MAP4: variants seen among roughly 807,000 people sequenced by gnomAD.
The protein encoded by MAP4 is microtubule-associated protein 4.
Under a neutral mutation model 170.2 loss-of-function variants are expected in MAP4, and 76 were observed. The observed-to-expected ratio is 0.45, with a 90% CI of 0.37 to 0.54. MAP4 has a LOEUF of 0.54. MAP4 is among the 20% of genes least tolerant of loss of function. MAP4 has a pLI of 0.00. For synonymous variants in MAP4, 909 were observed against 994.5 expected (o/e 0.91, Z 1.62); for missense variants, 2,506 against 2,748.0 (o/e 0.91, Z 1.97).
At chr3:47,994,398 C>T (rs1200630109) in intron 2 of MAP4, among the ~76,000 whole-genome samples, 3 of 152,174 alleles carry the variant, frequency 2.0e-5, no homozygotes. Flanking sequence ...GGTTGAGATG[C>T]TCTTCCCATC....
intron 10 of MAP4, among the ~76,000 whole-genome samples, chr3:47,880,061 G>A (rs532554426): frequency 2.6e-5 from 4 of 152,078 alleles, no homozygotes; most frequent in East Asian, 1.9e-4. Context: ...TCTGTTAAAC[G>A]ATTTTTCTGT....
chr3:48,016,628 A>C (rs1007064481), upstream of MAP4, among the ~76,000 whole-genome samples: 2 of 152,240 alleles, frequency 1.3e-5, no homozygotes, highest in Admixed American at 1.3e-4. Context: ...AAACTTTAAA[A>C]GATTCTTAAT....
At chr3:48,001,489 T>G (rs1247679891) in intron 1 of MAP4, among the ~76,000 whole-genome samples, 1 of 152,218 alleles carries the variant, frequency 6.6e-6, no homozygotes, top group Non-Finnish European at 1.5e-5. Flanking sequence ...TCTTTTCAAA[T>G]TCTAGGTAGT....
chr3:47,891,343 A>C, intron 10 of MAP4: 1 of 1,536,070 alleles, frequency 6.5e-7, no homozygotes, highest in Non-Finnish European at 8.7e-7. Flanking sequence ...AGATGAAAGG[A>C]GGTATCTCTT....
Position 47,909,460 on chromosome 3 carries a change from T to G in MAP4, c.4961A>C (p.Lys1654Thr). 6.2e-7 allele frequency: 1 copy of G among 1,613,936 alleles called. No individual in the cohort carries two copies. The highest frequency in any genetic ancestry group is 1.3e-5 in the African/African-American group (1 of 75,052). Residue 1654 changes from lysine (K) to threonine (T), a missense_variant, in exon 9 of 21, where the codon AAG becomes ACG. Around this residue, in one of 3 missense-constraint regions of MAP4, gnomAD observed 2,008 missense variants for 2,206.0 expected, o/e 0.91. Transcript: ENST00000683076. The stretch of plus-strand genomic sequence containing the variant: ...AGACAAAAGAGTCAGATCTACCTTC[T>G]TATTCAAACTATCTGAACCTTTGGA... ...RNSKGSDSLN[K>T]KVDLTLLSPK...
At chr3:48,056,467 C>T (rs2100131710) in intron 1 of MAP4, among the ~76,000 whole-genome samples, 1 of 75,922 alleles carries the variant, frequency 1.3e-5, no homozygotes, top group African/African-American at 5.4e-5. Context: ...CCTGGCCAGC[C>T]GCCCCGTCCG....
At chr3:48,062,601 AAAATTAAAAAT>A (rs1450318712) in intron 1 of MAP4, among the ~76,000 whole-genome samples, 2 of 150,992 alleles carry the variant, frequency 1.3e-5, no homozygotes, top group Non-Finnish European at 3.0e-5. Flanking sequence ...AAAAATTTAA[AAAATTAAAAAT>A]AAATTAAAAA....
At chr3:48,020,348 A>G (rs1267250084), upstream of MAP4, among the ~76,000 whole-genome samples, 1 of 152,250 alleles carries the variant, frequency 6.6e-6, no homozygotes, top group Non-Finnish European at 1.5e-5. Flanking sequence ...TTGTCCTGCT[A>G]GGTGCGCTCT....
chr3:47,918,959 C>T (rs2100041221), intron 5 of MAP4, 118 bp from the exon 6 acceptor site: 4 of 768,734 alleles, frequency 5.2e-6, no homozygotes, highest in Non-Finnish European at 6.0e-6. Flanking sequence ...GACAGAGTTT[C>T]GCTCTGTTGC....
intron 1 of MAP4, among the ~76,000 whole-genome samples, chr3:48,036,176 T>C (rs1043918303): frequency 6.6e-6 from 1 of 152,216 alleles, no homozygotes; most frequent in Admixed American, 6.5e-5. Context: ...GCAATCTTTA[T>C]AGCAAGCTCT....
intron 4 of MAP4, among the ~76,000 whole-genome samples, chr3:47,922,381 C>A (rs2100043424): frequency 6.6e-6 from 1 of 151,864 alleles, no homozygotes; most frequent in African/African-American, 2.4e-5. Flanking sequence ...ATAAATAATC[C>A]CTTCTCTAAG....
At position 47,852,891 on chromosome 3, in the gene MAP4, G is replaced by A. The variant is rs370746770; in HGVS notation, c.*43C>T. The A allele has an allele frequency of 5.6e-6, 9 of 1,598,034 alleles. No homozygotes were observed. Among genetic ancestry groups the A allele is most frequent in the African/African-American group, 1.3e-5 (1 of 74,460 alleles). ...GGGAGACAATGTCGGCCCCGTGGTCGGTGCGGGCCCTGGCATTTGCCCGGA... is the reference window on the plus strand; with the variant it reads ...GGGAGACAATGTCGGCCCCGTGGTCAGTGCGGGCCCTGGCATTTGCCCGGA... On this transcript the variant is annotated 3_prime_UTR_variant, in exon 21 of 21. Transcript: ENST00000683076.
chr3:48,051,092 C>CCACACACACACA (rs145028487), intron 1 of MAP4, among the ~76,000 whole-genome samples: 42 of 144,016 alleles, frequency 2.9e-4, no homozygotes, highest in African/African-American at 1.0e-3. Context: ...CATTCAATTT[C>CCACACACACACA]CACACACACA....
rs1285144466 is a variant in MAP4, at chr3:47,902,994, A to G, written c.5390T>C (p.Leu1797Ser). The change falls in exon 10 of 21, where the codon TTG becomes TCG. Residue 1797 changes from leucine (L) to serine (S), a missense_variant. Leu to Ser is a moderately radical substitution (Grantham distance 145). Coordinates refer to ENST00000683076, the MANE Select transcript of MAP4 (RefSeq NM_001385682.1). ...RHKQLKSAVCLSSSTVYQQLG... is the reference protein window; with the variant it reads ...RHKQLKSAVCSSSSTVYQQLG... ...CTGCTGGTAGACAGTTGATGAGCTC[A>G]AGCAAACTGAAGAAAGAAATGAAAG... The G allele has an allele frequency of 2.0e-6, 2 of 984,758 alleles. No homozygotes were observed. Among genetic ancestry groups the G allele is most frequent in the Non-Finnish European group, 2.4e-6 (2 of 829,444 alleles). 61.0% of individuals were successfully genotyped at this position (984,758 alleles called of 1,614,324 possible). A position where few individuals can be genotyped will look rare whatever the true frequency, so the allele number is the denominator to read the frequency against.
At chr3:48,025,203 T>C (rs2100112393) in intron 1 of MAP4, among the ~76,000 whole-genome samples, 1 of 152,116 alleles carries the variant, frequency 6.6e-6, no homozygotes, top group Non-Finnish European at 1.5e-5. Context: ...ACTGACAAAA[T>C]GTGATTTCAT....
At chr3:48,008,484 G>A (rs1019257697) in intron 1 of MAP4, among the ~76,000 whole-genome samples, 2 of 152,238 alleles carry the variant, frequency 1.3e-5, no homozygotes, top group African/African-American at 4.8e-5. Context: ...AATGGAAGGA[G>A]AAATGGCCAG....
intron 1 of MAP4, among the ~76,000 whole-genome samples, chr3:48,067,005 T>C (rs913719560): frequency 8.6e-5 from 13 of 152,012 alleles, no homozygotes; most frequent in South Asian, 2.1e-4. Flanking sequence ...CACGCCCGGC[T>C]AATTTTTTGT....
At chr3:47,973,210 A>G (rs1298669334) in intron 3 of MAP4, 2 of 981,648 alleles carry the variant, frequency 2.0e-6, no homozygotes, top group Non-Finnish European at 1.2e-6. Context: ...ATGAAATTAT[A>G]AAAACATTAT....
chr3:48,068,518 G>A (rs2100139412), intron 1 of MAP4, among the ~76,000 whole-genome samples: 1 of 152,142 alleles, frequency 6.6e-6, no homozygotes, highest in Non-Finnish European at 1.5e-5. Flanking sequence ...GGCCAGGTGT[G>A]GTGGCTCACG....
Sources: allele counts gnomAD v4.1 joint callset (sites outside exome capture counted in the v4.1 genomes callset), GRCh38; gene constraint gnomAD v4.1.1; regional missense constraint gnomAD v4.1.1; transcripts MANE v1.5; gene names NCBI Gene and HGNC (gene_info 2026-07-23, HGNC 2026-07-21).